Variants in DDX3X observed in about 807,000 individuals in gnomAD.
The protein encoded by DDX3X is DEAD-box helicase 3 X-linked, also known as ATP-dependent RNA helicase DDX3X.
DDX3X carries 4 observed loss-of-function variants against 52.7 expected under a neutral mutation model. The ratio of observed to expected loss-of-function variants is 0.08; its 90% CI spans 0.04 to 0.17. The LOEUF (loss-of-function observed/expected upper bound fraction) is 0.17. DDX3X is among the 10% of genes least tolerant of loss of function. The pLI, the probability that DDX3X is intolerant of heterozygous loss-of-function variation, is 1.00. For missense variants in DDX3X, 222 were observed against 548.6 expected (o/e 0.40, Z 5.95); for synonymous variants, 192 against 178.1 (o/e 1.08, Z -0.62).
chrX:41,348,084 C>G lies in DDX3X; in HGVS notation c.*365C>G. 1 of 291,259 alleles carries G rather than the reference C, an allele frequency of 3.4e-6. No homozygotes were observed. Among genetic ancestry groups the G allele is most frequent in the Non-Finnish European group, 6.0e-6 (1 of 166,683 alleles). 24.0% of individuals were successfully genotyped at this position (291,259 alleles called of 1,213,427 possible). On this transcript the variant is annotated 3_prime_UTR_variant, in exon 17 of 17. Coordinates refer to ENST00000644876, the MANE Select transcript of DDX3X (RefSeq NM_001356.5). ...GATGTCCTGTTGGCTCAGTAATGCT[C>G]AAGATATCAATTGTTTTGACAAAAT...
chrX:41,337,029 T>A (rs1332278667), intron 1 of DDX3X, among the ~76,000 whole-genome samples: 2 of 112,225 alleles, frequency 1.8e-5, no homozygotes, highest in Non-Finnish European at 3.8e-5. Flanking sequence ...GAATCCTTTA[T>A]CTATTTGACA....
In DDX3X at chrX:41,349,719, C is replaced by T. The variant is rs2063966196; in HGVS notation, c.*2000C>T. The T allele has an allele frequency of 9.0e-6, 1 of 111,312 alleles. No homozygotes were observed. Among genetic ancestry groups the T allele is most frequent in the Admixed American group, 9.7e-5 (1 of 10,324 alleles). The allele number at this position is 111,312 out of a possible 1,213,427, so 9.2% of individuals were successfully genotyped here. A position where few individuals can be genotyped will look rare whatever the true frequency, so the allele number is the denominator to read the frequency against. On this transcript the variant is annotated 3_prime_UTR_variant, in exon 17 of 17. Transcript: ENST00000644876. Reference sequence around the variant, plus strand: ...ACTCTTAAGTCAAATTAAGCAGACCCGGCGTTGGCAGTGTAGCCATAACTT... The same window carrying T: ...ACTCTTAAGTCAAATTAAGCAGACCTGGCGTTGGCAGTGTAGCCATAACTT...
At chrX:41,340,651 A>G (rs2063837396) in intron 3 of DDX3X, 1 of 278,451 alleles carries the variant, frequency 3.6e-6, no homozygotes, top group Non-Finnish European at 6.3e-6. Flanking sequence ...CCTGATTGTC[A>G]TCAAGCTTAT....
intron 3 of DDX3X, chrX:41,340,950 C>T (rs1021928414): frequency 2.5e-5 from 7 of 280,448 alleles, no homozygotes; most frequent in African/African-American, 1.1e-4. Context: ...GAGAAACATT[C>T]TTAGACTGTC....
At chrX:41,361,696 C>G (rs2064030499) in intron 5 of DDX3X, among the ~76,000 whole-genome samples, 1 of 110,850 alleles carries the variant, frequency 9.0e-6, no homozygotes, top group Non-Finnish European at 1.9e-5. Flanking sequence ...CTCCTCACAA[C>G]CCAAATATTA....
intron 5 of DDX3X, among the ~76,000 whole-genome samples, chrX:41,361,075 T>C (rs1328542284): frequency 9.2e-6 from 1 of 108,800 alleles, no homozygotes; most frequent in African/African-American, 3.3e-5. Flanking sequence ...CTTGATCTTA[T>C]GTCCCTCTGC....
intron 13 of DDX3X, 40 bp downstream of exon 13, chrX:41,346,450 T>G (rs1326108470): frequency 8.4e-7 from 1 of 1,196,975 alleles, no homozygotes; most frequent in African/African-American, 1.7e-5. Context: ...ATTGAGCATG[T>G]TCAAGTATTT....
Position 41,355,609 on chromosome X carries a change from G to C in DDX3X, c.654+8158G>C, listed in dbSNP as rs185106011. 6.1e-4 allele frequency among the ~76,000 whole-genome samples: 66 copies of C among 108,442 alleles called. No individual in the cohort carries two copies. The South Asian group carries it at 0.011, about 17-fold the overall frequency. 94.2% of individuals were successfully genotyped at this position (108,442 alleles called of 115,157 possible). On this transcript the variant is annotated intron_variant, in intron 5 of 5. Coordinates refer to the DDX3X transcript ENST00000616050. ...CAGCCTCCTGAGTAATTGGGACCAC[G>C]GGTGTGTACCACCATGCTCGGCTAA...
chrX:41,354,194 T>C (rs191966996), downstream of DDX3X, among the ~76,000 whole-genome samples: 100 of 110,803 alleles, frequency 9.0e-4, 1 homozygote, highest in Non-Finnish European at 3.4e-4. Context: ...TTGCCATTGG[T>C]ACAATCCACA....
rs751564748 is a variant in DDX3X at position 41,345,389 on chromosome X, T to A, written c.1171-15T>A. 9.2e-6 allele frequency: 11 copies of A among 1,192,810 alleles called. No homozygotes were observed. The highest frequency in any genetic ancestry group is 5.6e-5 in the South Asian group (3 of 53,392). On this transcript the variant is annotated splice_polypyrimidine_tract_variant and intron_variant, in intron 11 of 16. Transcript: ENST00000644876. ...TGTTTATCTCAGGTAATAATAAAAA[T>A]TTTTTTTCTTTCAGATGCTGGCTCG...
At chrX:41,337,799 A>G (rs892886941) in intron 2 of DDX3X, 4 of 148,105 alleles carry the variant, frequency 2.7e-5, no homozygotes, top group Non-Finnish European at 5.1e-5. Context: ...ATAATAAAAC[A>G]TCAATGACTA....
chrX:41,354,344 C>CTTTTTTTTTTTTT (rs60965317), downstream of DDX3X, among the ~76,000 whole-genome samples: 7,562 of 68,992 alleles, frequency 0.11, 950 homozygotes, highest in East Asian at 0.28. Context: ...TGTGCTACCT[C>CTTTTTTTTTTTTT]TTTTTTTTTT....
downstream of DDX3X, among the ~76,000 whole-genome samples, chrX:41,353,230 G>C (rs1300542058): frequency 2.0e-5 from 2 of 98,394 alleles, no homozygotes; most frequent in African/African-American, 7.6e-5. Flanking sequence ...GAGGCAGGCA[G>C]ATCACGAGGT....
chrX:41,346,014 T>A (rs947000231), intron 12 of DDX3X: 3 of 405,797 alleles, frequency 7.4e-6, no homozygotes, highest in African/African-American at 5.1e-5. Context: ...GCCAGTGCAC[T>A]CTCAGCCTGG....
chrX:41,346,788 GAAAGT>G, intron 14 of DDX3X, 66 bp from the exon 15 acceptor site: 1 of 1,029,368 alleles, frequency 9.7e-7, no homozygotes, highest in Non-Finnish European at 1.3e-6. Context: ...TTCTACGTAG[GAAAGT>G]AAGAATAGTA....
chrX:41,362,233 C>A (rs143912911), intron 5 of DDX3X, among the ~76,000 whole-genome samples: 1 of 109,650 alleles, frequency 9.1e-6, no homozygotes, highest in African/African-American at 3.3e-5. Context: ...GGATTACAGG[C>A]GTGTGCCACC....
At chrX:41,347,058 C>T (rs2063934925) in intron 15 of DDX3X, 46 bp downstream of exon 15, 2 of 1,132,595 alleles carry the variant, frequency 1.8e-6, no homozygotes, top group African/African-American at 1.8e-5. Flanking sequence ...TGTTCACTTA[C>T]AGTTCATAGT....
chrX:41,345,010 T>G (rs972080713), intron 10 of DDX3X, among the ~76,000 whole-genome samples, 170 bp from the exon 11 acceptor site: 8 of 111,977 alleles, frequency 7.1e-5, no homozygotes, highest in Non-Finnish European at 1.3e-4. Context: ...GTGGCAAGAA[T>G]CCTGTGCTGT....
chrX:41,336,277 G>A (rs1186629423), intron 1 of DDX3X: 1 of 111,736 alleles, frequency 8.9e-6, no homozygotes, highest in Non-Finnish European at 1.9e-5. Context: ...CCAACTACTT[G>A]TGAGTAGTTC....
Sources: gnomAD v4.1 joint callset for allele counts (sites outside exome capture counted in the v4.1 genomes callset) on GRCh38, gnomAD v4.1.1 for gene constraint, MANE v1.5 for transcripts, NCBI Gene and HGNC (gene_info 2026-07-23, HGNC 2026-07-21) for gene names.